Variants in FAF1 observed in about 807,000 individuals in gnomAD.
FAF1 encodes FAS-associated factor 1.
In FAF1, 25 loss-of-function variants were observed where a neutral mutation model predicts 92.5. That is an observed-to-expected ratio of 0.27 (90% CI 0.20 to 0.38). The LOEUF (loss-of-function observed/expected upper bound fraction) is 0.38. Among genes scored for constraint, FAF1 ranks in the 10% least tolerant of loss-of-function variants. FAF1 has a pLI of 1.00. For missense variants in FAF1, 636 were observed against 793.3 expected, an observed-to-expected ratio of 0.80 and a Z score of 2.38; for synonymous variants, 234 against 273.2, an observed-to-expected ratio of 0.86 and a Z score of 1.42.
At chr1:50,673,332 T>C (rs916876153) in intron 7 of FAF1, among the ~76,000 whole-genome samples, 1 of 152,056 alleles carries the variant, frequency 6.6e-6, no homozygotes, top group African/African-American at 2.4e-5. Flanking sequence ...TCCCAATGGA[T>C]GTATAAGCAA....
chr1:50,454,510 C>CA (rs1463211535), intron 18 of FAF1, among the ~76,000 whole-genome samples: 1 of 152,192 alleles, frequency 6.6e-6, no homozygotes, highest in Non-Finnish European at 1.5e-5. Context: ...ACACAGTGAC[C>CA]ATATATGTTC....
At chr1:50,707,673 G>A (rs960151535) in intron 6 of FAF1, among the ~76,000 whole-genome samples, 3 of 151,646 alleles carry the variant, frequency 2.0e-5, no homozygotes, top group East Asian at 3.9e-4. Flanking sequence ...CAGCCTGGGC[G>A]ATAGAGGGAG....
Position 50,891,195 on chromosome 1 carries a change from C to A in FAF1, c.46-33198G>T, listed in dbSNP as rs142926350. Among the ~76,000 whole-genome samples the A allele has an allele frequency of 2.7e-4, 41 of 152,190 alleles. No homozygotes were observed. The East Asian group carries it at 7.1e-3, about 27-fold the overall frequency. On this transcript the variant is annotated intron_variant, in intron 1 of 18. Coordinates refer to ENST00000396153, the MANE Select transcript of FAF1 (RefSeq NM_007051.3). ...CATGTGTCATGTAGTTCTTGTGCCA[C>A]GGTTTTCAGTTCCATCATGTCATTT... is the stretch of plus-strand genomic sequence containing the variant.
intron 13 of FAF1, among the ~76,000 whole-genome samples, chr1:50,540,662 A>G (rs961083740): frequency 2.0e-5 from 3 of 152,232 alleles, no homozygotes; most frequent in Non-Finnish European, 4.4e-5. Context: ...ACTGTTTGAA[A>G]TTAGCATTTC....
chr1:50,854,572 T>A (rs978658169), intron 2 of FAF1, among the ~76,000 whole-genome samples: 6 of 151,918 alleles, frequency 3.9e-5, no homozygotes, highest in African/African-American at 1.2e-4. Context: ...ACATATATAA[T>A]CTAACCTGCA....
intron 2 of FAF1, chr1:50,846,774 G>T: frequency 1.4e-6 from 1 of 690,584 alleles, no homozygotes; most frequent in Non-Finnish European, 2.6e-6. Flanking sequence ...GGAACTAAAA[G>T]AATGTGAAGG....
chr1:50,727,766 A>C (rs1658723996), intron 6 of FAF1, among the ~76,000 whole-genome samples: 1 of 152,168 alleles, frequency 6.6e-6, no homozygotes, highest in Non-Finnish European at 1.5e-5. Flanking sequence ...GTATTGTCTA[A>C]TCACCTGCCA....
rs535216351 is a variant in FAF1, at chr1:50,736,544, G to T, written c.551+2319C>A. ...GTGGGAGGATCACCTGAGTTCAGGG[G>T]TTTGAGACCAGCCTGTCCAACATGG... On this transcript the variant is annotated intron_variant, in intron 6 of 18. Coordinates refer to ENST00000396153, the MANE Select transcript of FAF1 (RefSeq NM_007051.3). 1.1e-4 allele frequency among the ~76,000 whole-genome samples: 17 copies of T among 152,300 alleles called. No homozygotes were observed. In the East Asian group the frequency reaches 3.3e-3, roughly 29 times the overall value.
intron 7 of FAF1, among the ~76,000 whole-genome samples, chr1:50,686,986 G>T (rs532913360): frequency 6.6e-6 from 1 of 151,880 alleles, no homozygotes; most frequent in African/African-American, 2.4e-5. Flanking sequence ...ATGCCACCAC[G>T]CCCAGCTAAT....
intron 8 of FAF1, among the ~76,000 whole-genome samples, chr1:50,627,999 AT>A (rs1055797065): frequency 2.0e-5 from 3 of 152,216 alleles, no homozygotes; most frequent in African/African-American, 7.2e-5. Flanking sequence ...AAGGAAAAAA[AT>A]TGAGATAATA....
chr1:50,801,301 T>C, intron 3 of FAF1, among the ~76,000 whole-genome samples: 1 of 152,242 alleles, frequency 6.6e-6, no homozygotes. Context: ...AACCATATTC[T>C]GGGGTTAGTA....
In FAF1 at chr1:50,738,974, GC is replaced by G; in HGVS notation, c.460-21del. 3 of 1,419,408 alleles carry G rather than the reference GC, an allele frequency of 2.1e-6. No homozygotes were observed. In the South Asian group the frequency reaches 3.8e-5, roughly 18 times the overall value. The allele number at this position is 1,419,408 out of a possible 1,614,324, so 87.9% of individuals were successfully genotyped here. On this transcript the variant is annotated intron_variant, in intron 5 of 18. Transcript: ENST00000396153. ...GACCGTCTGAAAAAGAAAAAACACA[GC>G]AAAAAATGAATGTTGATGTTGATTA... is the stretch of plus-strand genomic sequence containing the variant.
chr1:50,820,281 G>A (rs1413036042), intron 2 of FAF1, among the ~76,000 whole-genome samples: 2 of 152,020 alleles, frequency 1.3e-5, no homozygotes, highest in East Asian at 3.9e-4. Context: ...TCAAATCCTG[G>A]TTCTAGCATG....
At chr1:50,789,221 T>C (rs955920218) in intron 3 of FAF1, among the ~76,000 whole-genome samples, 5 of 152,234 alleles carry the variant, frequency 3.3e-5, no homozygotes, top group African/African-American at 1.2e-4. Flanking sequence ...CTGGATTCTT[T>C]TGAGTAACAC....
chr1:50,492,040 T>C (rs1168920640), intron 15 of FAF1, among the ~76,000 whole-genome samples: 1 of 152,150 alleles, frequency 6.6e-6, no homozygotes, highest in Non-Finnish European at 1.5e-5. Context: ...GTATAAGTTA[T>C]TTAACTTCTC....
At chr1:50,542,272 A>C (rs923848461) in intron 13 of FAF1, among the ~76,000 whole-genome samples, 20 of 152,320 alleles carry the variant, frequency 1.3e-4, no homozygotes, top group Non-Finnish European at 1.9e-4. Flanking sequence ...GACAGTATGA[A>C]ATTGTAAAAA....
intron 1 of FAF1, among the ~76,000 whole-genome samples, chr1:50,866,088 AAAAC>A (rs1291198487): frequency 1.3e-5 from 2 of 152,148 alleles, no homozygotes; most frequent in African/African-American, 4.8e-5. Flanking sequence ...AACAAAATTA[AAAAC>A]AAACATCACA....
chr1:50,686,443 G>A (rs1366997416), intron 7 of FAF1, among the ~76,000 whole-genome samples: 6 of 152,070 alleles, frequency 3.9e-5, no homozygotes, highest in Admixed American at 3.9e-4. Context: ...TCAGGAGGCT[G>A]GGGCAGGAGA....
At chr1:50,840,018 T>G (rs1570034725) in intron 2 of FAF1, among the ~76,000 whole-genome samples, 1 of 151,848 alleles carries the variant, frequency 6.6e-6, no homozygotes, top group Admixed American at 6.6e-5. Context: ...TTTTCAAAAC[T>G]GGTGCTAAAA....
Sources: allele counts gnomAD v4.1 joint callset (sites outside exome capture counted in the v4.1 genomes callset), GRCh38; gene constraint gnomAD v4.1.1; transcripts MANE v1.5; gene names NCBI Gene and HGNC (gene_info 2026-07-23, HGNC 2026-07-21).